SLC39A14: variants seen among roughly 807,000 people sequenced by gnomAD.
The protein encoded by SLC39A14 is solute carrier family 39 member 14.
In SLC39A14, 19 loss-of-function variants were observed where a neutral mutation model predicts 45.5. The ratio of observed to expected loss-of-function variants is 0.42; its 90% confidence interval spans 0.29 to 0.61. The LOEUF (loss-of-function observed/expected upper bound fraction) is 0.61, where lower values mean the gene tolerates loss of function less well. SLC39A14 is among the 20% of genes least tolerant of loss of function. The probability of loss-of-function intolerance (pLI) is 0.22; values close to 1 mark genes in which losing one functional copy is unlikely to be tolerated. For missense variants in SLC39A14, 447 were observed against 616.5 expected (o/e 0.73, Z 2.91); for synonymous variants, 264 against 251.3 (o/e 1.05, Z -0.48).
chr8:22,373,538 A>T (rs999203216), intron 1 of SLC39A14, among the ~76,000 whole-genome samples: 1 of 152,140 alleles, frequency 6.6e-6, no homozygotes, highest in Non-Finnish European at 1.5e-5. Context: ...AAGACTCAAG[A>T]TGACACAGGT....
At chr8:22,408,755 C>G (rs2132327474) in intron 3 of SLC39A14, among the ~76,000 whole-genome samples, 1 of 152,056 alleles carries the variant, frequency 6.6e-6, no homozygotes, top group Middle Eastern at 3.4e-3. Flanking sequence ...GCCTATGGAT[C>G]CCTTTTTGGT....
In SLC39A14 at chr8:22,376,100, T is replaced by C. The variant is rs1037231140; in HGVS notation, c.-16+8692T>C. ...TGCAATCTGTGGCAGTCTCTCCCTC[T>C]TTTCTTGCTAGAATGTTGGAACGCA... On this transcript the variant is annotated intron_variant, in intron 1 of 8. Transcript: ENST00000381237. 3.9e-5 allele frequency among the ~76,000 whole-genome samples: 6 copies of C among 152,204 alleles called. No homozygotes were observed. In the East Asian group the frequency reaches 5.8e-4, roughly 15 times the overall value.
At chr8:22,399,657 G>T (rs1158645282) in intron 1 of SLC39A14, among the ~76,000 whole-genome samples, 1 of 152,252 alleles carries the variant, frequency 6.6e-6, no homozygotes, top group African/African-American at 2.4e-5. Flanking sequence ...AAGCGAAGGT[G>T]GTCCTGTGGG....
chr8:22,426,850 A>G (rs1257626231), downstream of SLC39A14, among the ~76,000 whole-genome samples: 2 of 151,960 alleles, frequency 1.3e-5, no homozygotes, highest in African/African-American at 2.4e-5. Context: ...TGCACAGCTA[A>G]TTTTTGTGTT....
intron 8 of SLC39A14, among the ~76,000 whole-genome samples, chr8:22,433,723 C>T (rs987417507): frequency 6.6e-6 from 1 of 151,934 alleles, no homozygotes; most frequent in Non-Finnish European, 1.5e-5. Context: ...CCACACCTAG[C>T]TAATTTTTCT....
chr8:22,413,366 AG>A (rs559918822), intron 4 of SLC39A14, among the ~76,000 whole-genome samples: 271 of 152,354 alleles, frequency 1.8e-3, no homozygotes, highest in Admixed American at 2.2e-3. Flanking sequence ...GACCTGCACA[AG>A]AGCGCATATC....
In SLC39A14 at chr8:22,377,697, G is replaced by C. The variant is rs757058269; in HGVS notation, c.-16+10289G>C. Among the ~76,000 whole-genome samples, 11 of 152,206 alleles carry C rather than the reference G, an allele frequency of 7.2e-5. 1 individual carries two copies. The South Asian group carries it at 1.9e-3, about 26-fold the overall frequency. On this transcript the variant is annotated intron_variant, in intron 1 of 8. Transcript: ENST00000381237. The stretch of plus-strand genomic sequence containing the variant: ...GTGAAGGTTATTTTCCACTGGTTTT[G>C]CTCCTATTATCGTGGCCCTGATTAA...
At chr8:22,395,968 G>A (rs1834358946) in intron 1 of SLC39A14, among the ~76,000 whole-genome samples, 1 of 152,210 alleles carries the variant, frequency 6.6e-6, no homozygotes, top group African/African-American at 2.4e-5. Flanking sequence ...CTGAAGGAAT[G>A]CTAGCTGTGT....
intron 1 of SLC39A14, among the ~76,000 whole-genome samples, chr8:22,373,402 A>G (rs549403199): frequency 7.9e-4 from 121 of 152,332 alleles, no homozygotes; most frequent in African/African-American, 2.8e-3. Context: ...ATAACAGGTT[A>G]TAATAGGTGT....
intron 7 of SLC39A14, among the ~76,000 whole-genome samples, chr8:22,417,244 T>C (rs774806003): frequency 6.6e-6 from 1 of 152,244 alleles, no homozygotes; most frequent in Non-Finnish European, 1.5e-5. Context: ...TCTGTTTCAC[T>C]ATGAATCCAG....
At position 22,404,866 on chromosome 8, in the gene SLC39A14, C is replaced by G. The variant is rs33999442; in HGVS notation, c.156C>G (p.Gly52=). The change falls in exon 2 of 9, where the codon GGC becomes GGG. Residue 52 remains glycine (G), a synonymous_variant. Transcript: ENST00000381237. ...SFLQDLIHRY[G]EGDSLTLQQL... is the part of the protein sequence containing the mutation. ...TGCAGGATCTAATACATCGGTATGGCGAGGGTGACAGCCTCACTCTGCAGC... is the reference window on the plus strand; with the variant it reads ...TGCAGGATCTAATACATCGGTATGGGGAGGGTGACAGCCTCACTCTGCAGC... 1 of 1,613,934 alleles carries G rather than the reference C, an allele frequency of 6.2e-7. No individual in the cohort carries two copies. The highest frequency in any genetic ancestry group is 1.6e-4 in the Middle Eastern group (1 of 6,062).
chr8:22,371,217 C>T (rs1426614396), intron 1 of SLC39A14, among the ~76,000 whole-genome samples: 4 of 152,086 alleles, frequency 2.6e-5, no homozygotes, highest in African/African-American at 7.2e-5. Context: ...AACTGGAGAT[C>T]GGACTGTTGT....
At chr8:22,389,402 A>G (rs1039059677) in intron 1 of SLC39A14, among the ~76,000 whole-genome samples, 1 of 145,930 alleles carries the variant, frequency 6.9e-6, no homozygotes, top group African/African-American at 2.6e-5. Context: ...GTCGGGCGTG[A>G]GCGGGCTTGA....
At chr8:22,413,321 G>A (rs966524494) in intron 4 of SLC39A14, among the ~76,000 whole-genome samples, 4 of 152,114 alleles carry the variant, frequency 2.6e-5, no homozygotes, top group Non-Finnish European at 2.9e-5. Context: ...CCATGGCATC[G>A]ATAGAACAAG....
intron 4 of SLC39A14, among the ~76,000 whole-genome samples, chr8:22,413,244 C>T (rs1386493426): frequency 6.6e-6 from 1 of 152,180 alleles, no homozygotes; most frequent in African/African-American, 2.4e-5. Flanking sequence ...CTGCATGCGC[C>T]TCTTACAACA....
At chr8:22,374,236 G>A (rs1833089534) in intron 1 of SLC39A14, among the ~76,000 whole-genome samples, 2 of 152,210 alleles carry the variant, frequency 1.3e-5, no homozygotes, top group South Asian at 2.1e-4. Context: ...TGGCTGCAGG[G>A]AGGGACTGGA....
rs931214226 is a variant in SLC39A14 at position 22,398,780 on chromosome 8, A to G, written c.-15-5916A>G. 20 of 984,174 alleles carry G rather than the reference A, an allele frequency of 2.0e-5. No individual in the cohort carries two copies. In the African/African-American group the frequency reaches 3.0e-4, roughly 15 times the overall value. 61.0% of individuals were successfully genotyped at this position (984,174 alleles called of 1,614,324 possible). On this transcript the variant is annotated intron_variant, in intron 1 of 8. Transcript: ENST00000381237. ...CGCTTCTAGGCAGAGCTACTTCTGGACCAAGTGAAGGGTGACGGTAGGTGG... is the reference window on the plus strand; with the variant it reads ...CGCTTCTAGGCAGAGCTACTTCTGGGCCAAGTGAAGGGTGACGGTAGGTGG...
intron 3 of SLC39A14, among the ~76,000 whole-genome samples, chr8:22,408,820 CTT>C (rs71544900): frequency 2.3e-5 from 3 of 130,528 alleles, no homozygotes; most frequent in Non-Finnish European, 3.2e-5. Context: ...CTTTTTTAAT[CTT>C]TTTTTTTTTT....
At chr8:22,398,846 C>A (rs4872486) in intron 1 of SLC39A14, 177,316 of 653,764 alleles carry the variant, frequency 0.27, 25,360 homozygotes, top group East Asian at 0.59. Context: ...GCAACTTCTG[C>A]GCTTCCATAG....
Sources: allele counts gnomAD v4.1 joint callset (sites outside exome capture counted in the v4.1 genomes callset), GRCh38; gene constraint gnomAD v4.1.1; transcripts MANE v1.5; gene names NCBI Gene and HGNC (gene_info 2026-07-23, HGNC 2026-07-21).